ENTREP2: variants seen among roughly 807,000 people sequenced by gnomAD.
ENTREP2 encodes the protein protein ENTREP2.
chr15:29,368,327 C>CAAA, the ENTREP2 span, among the ~76,000 whole-genome samples: 14 of 139,120 alleles, frequency 1.0e-4, no homozygotes, highest in South Asian at 6.9e-4. Flanking sequence ...GACTCCATCT[C>CAAA]AAAAAAAAAA....
chr15:29,313,818 T>A, the ENTREP2 span, among the ~76,000 whole-genome samples: 1 of 152,224 alleles, frequency 6.6e-6, no homozygotes, highest in African/African-American at 2.4e-5. Flanking sequence ...CTGTAATAAA[T>A]CTGGGTGGAG....
the ENTREP2 span, chr15:29,122,571 C>G: frequency 2.0e-5 from 3 of 152,102 alleles, no homozygotes; most frequent in African/African-American, 7.3e-5. Context: ...CACAACTGCT[C>G]CAGGGACAGG....
the ENTREP2 span, among the ~76,000 whole-genome samples, chr15:29,356,193 G>A: frequency 1.4e-5 from 2 of 144,206 alleles, no homozygotes; most frequent in African/African-American, 5.2e-5. Flanking sequence ...ATGTAGGGTT[G>A]AGGATACTTT....
chr15:29,159,471 C>G, the ENTREP2 span, among the ~76,000 whole-genome samples: 33,565 of 152,124 alleles, frequency 0.22, 4,581 homozygotes, highest in Non-Finnish European at 0.31. Flanking sequence ...GCTTGGGCAG[C>G]CTGCTTTTAT....
chr15:29,653,358 G>T, the ENTREP2 span, among the ~76,000 whole-genome samples: 68 of 151,992 alleles, frequency 4.5e-4, no homozygotes, highest in African/African-American at 1.6e-3. Context: ...ATATCGATTT[G>T]GATTCCTTTT....
the ENTREP2 span, among the ~76,000 whole-genome samples, chr15:29,657,975 G>T: frequency 6.6e-6 from 1 of 150,964 alleles, no homozygotes; most frequent in African/African-American, 2.5e-5. Flanking sequence ...CTATTAATAC[G>T]TGAAAGAAGT....
the ENTREP2 span, chr15:29,128,824 C>G: frequency 6.4e-7 from 1 of 1,550,978 alleles, no homozygotes; most frequent in Non-Finnish European, 8.7e-7. Context: ...GTTTGGGTCC[C>G]CGGAGCTGGA....
chr15:29,394,880 CTCTT>C, the ENTREP2 span, among the ~76,000 whole-genome samples: 29 of 68,948 alleles, frequency 4.2e-4, no homozygotes, highest in African/African-American at 1.2e-3. Context: ...GTGTCAGAAT[CTCTT>C]TTTTTTTTTT....
the ENTREP2 span, among the ~76,000 whole-genome samples, chr15:29,481,080 G>A: frequency 1.2e-4 from 18 of 152,210 alleles, no homozygotes; most frequent in Non-Finnish European, 1.5e-5. Flanking sequence ...GGCACCAAAG[G>A]ATGCTGTGCC....
chr15:29,475,341 G>T, the ENTREP2 span, among the ~76,000 whole-genome samples: 2 of 152,214 alleles, frequency 1.3e-5, no homozygotes, highest in African/African-American at 4.8e-5. Flanking sequence ...CTGCCACAGC[G>T]GTCCCTGCAC....
At chr15:29,218,351 G>A in the ENTREP2 span, among the ~76,000 whole-genome samples, 1 of 152,122 alleles carries the variant, frequency 6.6e-6, no homozygotes, top group Non-Finnish European at 1.5e-5. Flanking sequence ...CCACGCTCAT[G>A]GATGGGTAGA....
At chr15:29,570,906 AGCCCCCGCCGGT>A in the ENTREP2 span, among the ~76,000 whole-genome samples, 516 of 143,290 alleles carry the variant, frequency 3.6e-3, 4 homozygotes, top group African/African-American at 0.013. Flanking sequence ...GGGCGCCCGC[AGCCCCCGCCGGT>A]GCCCGCGCCC....
chr15:29,286,726 G>A, the ENTREP2 span, among the ~76,000 whole-genome samples: 1 of 152,230 alleles, frequency 6.6e-6, no homozygotes, highest in African/African-American at 2.4e-5. Flanking sequence ...TCAGCAGCCA[G>A]CATCAAAGTT....
the ENTREP2 span, among the ~76,000 whole-genome samples, chr15:29,233,168 A>G: frequency 1.3e-5 from 2 of 152,232 alleles, no homozygotes; most frequent in Non-Finnish European, 2.9e-5. Context: ...GAAAAGTGCA[A>G]GTGGAAGTGG....
At chr15:29,342,168 A>G in the ENTREP2 span, among the ~76,000 whole-genome samples, 11 of 152,192 alleles carry the variant, frequency 7.2e-5, no homozygotes, top group Admixed American at 7.2e-4. Context: ...TTGAAACCAA[A>G]GAGGTGGCCA....
At chr15:29,609,909 T>G in the ENTREP2 span, 1 of 150,550 alleles carries the variant, frequency 6.6e-6, no homozygotes, top group Admixed American at 6.7e-5. Context: ...AAATTTGTTC[T>G]GGCCCACAGC....
chr15:29,135,059 T>C, the ENTREP2 span, among the ~76,000 whole-genome samples: 1 of 151,994 alleles, frequency 6.6e-6, no homozygotes, highest in Non-Finnish European at 1.5e-5. The surrounding 1 kb of genome is among the most constrained non-coding windows in gnomAD (Gnocchi z 7.4). Context: ...CTTCTGGTCA[T>C]GCTGTCATCT....
the ENTREP2 span, among the ~76,000 whole-genome samples, chr15:29,162,721 C>T: frequency 5.1e-3 from 774 of 151,746 alleles, 8 homozygotes; most frequent in African/African-American, 0.018. Context: ...TCCTTCCCTA[C>T]CCACTCTGGT....
At chr15:29,657,624 G>A in the ENTREP2 span, among the ~76,000 whole-genome samples, 1 of 151,322 alleles carries the variant, frequency 6.6e-6, no homozygotes, top group Non-Finnish European at 1.5e-5. Flanking sequence ...TTTACAGAAC[G>A]CTGATTGGTG....
Sources: gnomAD v4.1 joint callset for allele counts (sites outside exome capture counted in the v4.1 genomes callset) on GRCh38, gnomAD v4.1.1 for gene constraint, Gnocchi (gnomAD v3.1) non-coding constraint, MANE v1.5 for transcripts, NCBI Gene and HGNC (gene_info 2026-07-23, HGNC 2026-07-21) for gene names.